The following UNC50 variants were observed in gnomAD, a reference collection of about 807,000 sequenced individuals.
UNC50 encodes the protein protein unc-50 homolog.
Under a neutral mutation model 31.5 loss-of-function variants are expected in UNC50, and 24 were observed. The observed-to-expected ratio is 0.76, with a 90% confidence interval of 0.55 to 1.07. The LOEUF is 1.07. Ranked by LOEUF, UNC50 falls within the 50% of genes least tolerant of loss-of-function variation. The pLI is 0.00. For synonymous variants in UNC50, 118 were observed against 114.7 expected (o/e 1.03, Z -0.18); for missense variants, 245 against 304.2 (o/e 0.81, Z 1.45).
chr2:98,612,591 G>C (rs1334772759), intron 3 of UNC50, among the ~76,000 whole-genome samples: 1 of 152,110 alleles, frequency 6.6e-6, no homozygotes, highest in Admixed American at 6.5e-5. Context: ...CATACTTTTA[G>C]TAGAGACAGG....
At chr2:98,611,007 G>C (rs758190676) in intron 3 of UNC50, 112 bp downstream of exon 3, 7 of 1,264,218 alleles carry the variant, frequency 5.5e-6, no homozygotes, top group Non-Finnish European at 7.5e-6. Context: ...GTTACTAAAT[G>C]ATCAATTTTG....
At chr2:98,609,450 A>G (rs1700780446) in intron 1 of UNC50, 1 of 447,250 alleles carries the variant, frequency 2.2e-6, no homozygotes, top group African/African-American at 2.0e-5. Context: ...TGGCTCTATC[A>G]CTATCCTCGG....
intron 3 of UNC50, among the ~76,000 whole-genome samples, chr2:98,615,104 T>C (rs1181373335): frequency 6.6e-6 from 1 of 152,248 alleles, no homozygotes; most frequent in Non-Finnish European, 1.5e-5. Flanking sequence ...ACTTGAATAA[T>C]TGTTCTTATG....
intron 5 of UNC50, 77 bp from the exon 6 acceptor site, chr2:98,618,091 T>TGTC (rs965723718): frequency 8.0e-6 from 11 of 1,381,428 alleles, no homozygotes; most frequent in Middle Eastern, 1.9e-4. Flanking sequence ...TGAAGTAAGC[T>TGTC]GTCTTTCAAA....
Sources: allele counts gnomAD v4.1 joint callset (sites outside exome capture counted in the v4.1 genomes callset), GRCh38; gene constraint gnomAD v4.1.1; transcripts MANE v1.5; gene names NCBI Gene and HGNC (gene_info 2026-07-23, HGNC 2026-07-21).